The following GMDS variants were observed in gnomAD, a reference collection of about 807,000 sequenced individuals.
GMDS encodes GDP-mannose 4,6-dehydratase.
Under a neutral mutation model 49.9 loss-of-function variants are expected in GMDS, and 20 were observed. That is an observed-to-expected ratio of 0.40 (90% CI 0.28 to 0.58). The LOEUF is 0.58. GMDS is among the 20% of genes least tolerant of loss of function. The pLI, the probability that GMDS is intolerant of heterozygous loss-of-function variation, is 0.42. For synonymous variants in GMDS, 177 were observed against 178.6 expected, an observed-to-expected ratio of 0.99 and a Z score of 0.07; for missense variants, 362 against 481.4, an observed-to-expected ratio of 0.75 and a Z score of 2.32.
rs978316726 is a variant in GMDS at position 2,191,831 on chromosome 6, G to A, written c.102+53490C>T. ...CAGACAGGCTCCGGGGTGGAAGGGG[G>A]TAGGTCCCTGGTGAGACCCCACCTT... is the stretch of plus-strand genomic sequence containing the variant. On this transcript the variant is annotated intron_variant, in intron 1 of 10. Coordinates refer to ENST00000380815, the MANE Select transcript of GMDS (RefSeq NM_001500.4). The surrounding 1 kb of genome is among the most constrained non-coding windows in gnomAD (Gnocchi z 4.6). Among the ~76,000 whole-genome samples the A allele has an allele frequency of 6.6e-6, 1 of 152,200 alleles. No homozygotes were observed. Among genetic ancestry groups the A allele is most frequent in the Non-Finnish European group, 1.5e-5 (1 of 68,024 alleles).
intron 1 of GMDS, among the ~76,000 whole-genome samples, chr6:2,138,856 T>G (rs1277721800): frequency 6.6e-6 from 1 of 152,242 alleles, no homozygotes; most frequent in South Asian, 2.1e-4. Flanking sequence ...TCATTTTCTT[T>G]ACATTTTTTA....
At chr6:2,172,608 C>T (rs939993881) in intron 1 of GMDS, among the ~76,000 whole-genome samples, 1 of 152,034 alleles carries the variant, frequency 6.6e-6, no homozygotes, top group African/African-American at 2.4e-5. Context: ...CAGAGAATTG[C>T]TTGAACCCGG....
intron 7 of GMDS, among the ~76,000 whole-genome samples, chr6:1,777,830 C>T (rs77608439): frequency 7.9e-5 from 12 of 152,184 alleles, no homozygotes; most frequent in South Asian, 4.1e-4. Context: ...CCATGAATAA[C>T]GAACCAGGGA....
intron 4 of GMDS, 100 bp from the exon 5 acceptor site, chr6:1,961,066 T>C (rs1763915545): frequency 3.5e-6 from 2 of 576,590 alleles, no homozygotes; most frequent in Admixed American, 6.1e-5. Context: ...CTGTGAAATG[T>C]TGGTGAGAAA....
chr6:2,105,692 T>C (rs945561846), intron 4 of GMDS, among the ~76,000 whole-genome samples: 15 of 152,298 alleles, frequency 9.8e-5, no homozygotes, highest in African/African-American at 3.6e-4. Context: ...ACTTTACTGT[T>C]ATATACTAAA....
chr6:1,697,367 AG>A (rs200771796), intron 9 of GMDS, among the ~76,000 whole-genome samples: 5,324 of 152,304 alleles, frequency 0.035, 91 homozygotes, highest in South Asian at 0.07. Context: ...AATTCATCCC[AG>A]GTTGCCCAGG....
At chr6:2,099,911 A>T (rs1395414595) in intron 4 of GMDS, among the ~76,000 whole-genome samples, 1 of 152,086 alleles carries the variant, frequency 6.6e-6, no homozygotes, top group Non-Finnish European at 1.5e-5. Flanking sequence ...ATTAGACAGG[A>T]CATGTAATTT....
At position 1,911,147 on chromosome 6, in the gene GMDS, G is replaced by A. The variant is rs989330764; in HGVS notation, c.771+18956C>T. Among the ~76,000 whole-genome samples, 3 of 152,108 alleles carry A rather than the reference G, an allele frequency of 2.0e-5. No individual in the cohort carries two copies. In the South Asian group the frequency reaches 6.2e-4, roughly 32 times the overall value. ...GGTAATAGACAGGGCCCTCCAAGAGGAACGTTTCTAAAAGTAATAAGCTTT... is the reference window on the plus strand; with the variant it reads ...GGTAATAGACAGGGCCCTCCAAGAGAAACGTTTCTAAAAGTAATAAGCTTT... On this transcript the variant is annotated intron_variant, in intron 7 of 10. Coordinates refer to ENST00000380815, the MANE Select transcript of GMDS (RefSeq NM_001500.4).
intron 1 of GMDS, among the ~76,000 whole-genome samples, chr6:2,235,158 G>A (rs778169297): frequency 1.8e-4 from 28 of 152,070 alleles, no homozygotes; most frequent in African/African-American, 4.8e-5. Context: ...AACAAGTGAT[G>A]ATACGTGTAC....
At chr6:1,881,606 CA>C (rs764985421) in intron 7 of GMDS, among the ~76,000 whole-genome samples, 14 of 152,128 alleles carry the variant, frequency 9.2e-5, no homozygotes, top group Admixed American at 4.6e-4. Context: ...GGTTAAAGTA[CA>C]AGGCAGGTAT....
At chr6:1,831,373 T>A (rs1179125119) in intron 7 of GMDS, among the ~76,000 whole-genome samples, 1 of 152,224 alleles carries the variant, frequency 6.6e-6, no homozygotes, top group Non-Finnish European at 1.5e-5. Flanking sequence ...GGAGTCCAGA[T>A]AATCATTCCT....
chr6:1,761,391 G>C (rs1226456983), intron 7 of GMDS, among the ~76,000 whole-genome samples: 1 of 152,188 alleles, frequency 6.6e-6, no homozygotes, highest in Non-Finnish European at 1.5e-5. Flanking sequence ...TAAATTATCA[G>C]GTACTGAGAA....
chr6:1,970,778 G>C (rs1350555229), intron 4 of GMDS, among the ~76,000 whole-genome samples: 1 of 152,122 alleles, frequency 6.6e-6, no homozygotes, highest in Non-Finnish European at 1.5e-5. Context: ...CACAGGGAGG[G>C]GAACAACACA....
intron 7 of GMDS, among the ~76,000 whole-genome samples, chr6:1,757,391 T>C (rs1160054037): frequency 6.6e-6 from 1 of 152,200 alleles, no homozygotes; most frequent in East Asian, 1.9e-4. Context: ...GTCGCTCGGA[T>C]ACCTGGGTAA....
chr6:2,104,477 C>A (rs188717385), intron 4 of GMDS, among the ~76,000 whole-genome samples: 2 of 152,248 alleles, frequency 1.3e-5, no homozygotes, highest in East Asian at 3.9e-4. Flanking sequence ...TCTTTGCTGC[C>A]ATCTATGTGT....
chr6:1,924,906 C>A (rs760828348), intron 7 of GMDS, among the ~76,000 whole-genome samples: 1 of 151,846 alleles, frequency 6.6e-6, no homozygotes, highest in Non-Finnish European at 1.5e-5. Context: ...TTGAACTGGC[C>A]GAAATCGCAC....
intron 7 of GMDS, among the ~76,000 whole-genome samples, chr6:1,743,338 G>T (rs1767348972): frequency 6.6e-6 from 1 of 152,122 alleles, no homozygotes; most frequent in African/African-American, 2.4e-5. Flanking sequence ...TGGATCACGA[G>T]GTCAGGAGAT....
At chr6:2,028,383 C>T (rs1436927241) in intron 4 of GMDS, among the ~76,000 whole-genome samples, 1 of 152,216 alleles carries the variant, frequency 6.6e-6, no homozygotes, top group Non-Finnish European at 1.5e-5. Flanking sequence ...TACCAGAACT[C>T]TAAAATCAAT....
chr6:2,190,812 G>GGCGGCAGCAGGA (rs1778979570), intron 1 of GMDS, among the ~76,000 whole-genome samples: 1 of 152,198 alleles, frequency 6.6e-6, no homozygotes, highest in Non-Finnish European at 1.5e-5. Flanking sequence ...GGTGGCGGGA[G>GGCGGCAGCAGGA]GCGGCAGCAG....
Sources: gnomAD v4.1 joint callset for allele counts (sites outside exome capture counted in the v4.1 genomes callset) on GRCh38, gnomAD v4.1.1 for gene constraint, Gnocchi (gnomAD v3.1) non-coding constraint, MANE v1.5 for transcripts, NCBI Gene and HGNC (gene_info 2026-07-23, HGNC 2026-07-21) for gene names.